The following LDB2 variants were observed in gnomAD, a reference collection of about 807,000 sequenced individuals.
The protein encoded by LDB2 is LIM domain-binding protein 2.
LDB2 carries 12 observed loss-of-function variants against 44.3 expected under a neutral mutation model. That is an observed-to-expected ratio of 0.27 (90% CI 0.17 to 0.44). The LOEUF (loss-of-function observed/expected upper bound fraction) is 0.44, where lower values mean the gene tolerates loss of function less well. Ranked by LOEUF, LDB2 falls within the 20% of genes least tolerant of loss-of-function variation. The pLI, the probability that LDB2 is intolerant of heterozygous loss-of-function variation, is 1.00. For synonymous variants in LDB2, 164 were observed against 174.8 expected (o/e 0.94, Z 0.49); for missense variants, 344 against 473.5 (o/e 0.73, Z 2.54).
chr4:16,807,662 C>T (rs780452762), intron 1 of LDB2, among the ~76,000 whole-genome samples: 1 of 152,204 alleles, frequency 6.6e-6, no homozygotes, highest in African/African-American at 2.4e-5. Flanking sequence ...ATGGCCAAGT[C>T]AGTTGTGGAG....
intron 1 of LDB2, among the ~76,000 whole-genome samples, chr4:16,863,955 T>G (rs994864793): frequency 6.6e-6 from 1 of 152,070 alleles, no homozygotes; most frequent in Non-Finnish European, 1.5e-5. Context: ...CCACCGCGCC[T>G]GGCACATTCT....
intron 1 of LDB2, among the ~76,000 whole-genome samples, chr4:16,801,718 A>T (rs1487362332): frequency 1.3e-5 from 2 of 152,216 alleles, no homozygotes; most frequent in Non-Finnish European, 2.9e-5. Context: ...ATCTACCAAA[A>T]ATTTCAGTGT....
At chr4:16,779,025 G>A (rs1423929583) in intron 1 of LDB2, among the ~76,000 whole-genome samples, 1 of 152,128 alleles carries the variant, frequency 6.6e-6, no homozygotes, top group African/African-American at 2.4e-5. Context: ...CGAGACAAAT[G>A]CATTGTTTTC....
chr4:16,754,915 A>G (rs543098243), intron 2 of LDB2, among the ~76,000 whole-genome samples: 3 of 152,300 alleles, frequency 2.0e-5, no homozygotes, highest in African/African-American at 7.2e-5. Context: ...AAGCCCAAGA[A>G]TGTTTGCATT....
chr4:16,557,391 C>A (rs370790136), intron 5 of LDB2, among the ~76,000 whole-genome samples: 1 of 152,172 alleles, frequency 6.6e-6, no homozygotes. Context: ...CTTAAAAAGG[C>A]GCACCAGGAG....
At position 16,522,927 on chromosome 4, in the gene LDB2, T is replaced by G. The variant is rs532271950; in HGVS notation, c.616-10823A>C. Among the ~76,000 whole-genome samples, 3 of 152,258 alleles carry G rather than the reference T, an allele frequency of 2.0e-5. No individual in the cohort carries two copies. The South Asian group carries it at 6.2e-4, about 32-fold the overall frequency. Reference sequence around the variant, plus strand: ...GAGTGCTGTGTGTCACCTAGAGAGGTACAAGCAAATTTATGGTAAGTTTTA... The same window carrying G: ...GAGTGCTGTGTGTCACCTAGAGAGGGACAAGCAAATTTATGGTAAGTTTTA... On this transcript the variant is annotated intron_variant, in intron 5 of 7. Coordinates refer to ENST00000304523, the MANE Select transcript of LDB2 (RefSeq NM_001290.5).
intron 2 of LDB2, among the ~76,000 whole-genome samples, chr4:16,601,022 C>T (rs556342460): frequency 7.9e-5 from 12 of 151,936 alleles, no homozygotes; most frequent in African/African-American, 2.9e-4. Flanking sequence ...AAGTAATTCA[C>T]ATGAAAGAAA....
intron 1 of LDB2, among the ~76,000 whole-genome samples, chr4:16,870,242 A>G (rs1451588421): frequency 2.0e-5 from 3 of 152,194 alleles, no homozygotes. Context: ...ACATGGACGA[A>G]TTCAGTAGGC....
At chr4:16,629,744 T>C (rs1578322184) in intron 2 of LDB2, among the ~76,000 whole-genome samples, 1 of 151,986 alleles carries the variant, frequency 6.6e-6, no homozygotes, top group Admixed American at 6.6e-5. Context: ...AGAGCTTCAA[T>C]GACCTGGTGG....
intron 3 of LDB2, 75 bp downstream of exon 3, chr4:16,595,628 G>A: frequency 2.1e-6 from 3 of 1,407,792 alleles, no homozygotes; most frequent in Non-Finnish European, 2.9e-6. Context: ...AGGTTCCATA[G>A]GAAAACCATA....
intron 1 of LDB2, among the ~76,000 whole-genome samples, chr4:16,846,688 A>T (rs1787079609): frequency 6.6e-6 from 1 of 152,154 alleles, no homozygotes; most frequent in African/African-American, 2.4e-5. Flanking sequence ...GAGATGCCAC[A>T]TTTGCAGTCT....
intron 1 of LDB2, among the ~76,000 whole-genome samples, chr4:16,827,754 C>T (rs894535689): frequency 2.6e-5 from 4 of 152,136 alleles, no homozygotes; most frequent in African/African-American, 9.7e-5. Context: ...TATGTCTATG[C>T]TTTGACAACT....
chr4:16,894,584 T>G (rs957737713), intron 1 of LDB2, among the ~76,000 whole-genome samples: 2 of 152,142 alleles, frequency 1.3e-5, no homozygotes, highest in African/African-American at 4.8e-5. Flanking sequence ...ACAAAGATTA[T>G]GGATCTAAAT....
intron 2 of LDB2, among the ~76,000 whole-genome samples, chr4:16,667,597 A>G (rs1050226659): frequency 1.3e-5 from 2 of 152,182 alleles, no homozygotes; most frequent in African/African-American, 4.8e-5. Context: ...CAAACTCCAA[A>G]TGCATGCAAC....
chr4:16,880,903 CAAAA>C (rs1004776367), intron 1 of LDB2, among the ~76,000 whole-genome samples: 2 of 57,482 alleles, frequency 3.5e-5, no homozygotes, highest in Middle Eastern at 8.8e-3. Flanking sequence ...GACTCCATCT[CAAAA>C]AAAAAAAAAA....
chr4:16,623,742 G>A (rs929110122), intron 2 of LDB2, among the ~76,000 whole-genome samples: 1 of 150,528 alleles, frequency 6.6e-6, no homozygotes, highest in Non-Finnish European at 1.5e-5. Context: ...CTTGAAAGCT[G>A]CTTAAAGTGC....
At chr4:16,664,015 T>C (rs1364533394) in intron 2 of LDB2, among the ~76,000 whole-genome samples, 1 of 146,524 alleles carries the variant, frequency 6.8e-6, no homozygotes, top group Non-Finnish European at 1.5e-5. Context: ...CAAAGCAATG[T>C]TAAGTTTCAA....
intron 2 of LDB2, among the ~76,000 whole-genome samples, chr4:16,650,111 A>C (rs1443907268): frequency 6.6e-6 from 1 of 152,166 alleles, no homozygotes; most frequent in Non-Finnish European, 1.5e-5. Flanking sequence ...TTAGAAGAAG[A>C]ATCTCTGGAA....
intron 5 of LDB2, among the ~76,000 whole-genome samples, chr4:16,552,501 CAA>C (rs1738030829): frequency 6.6e-6 from 1 of 152,104 alleles, no homozygotes. Flanking sequence ...ACCTGTAAAA[CAA>C]AGGCTACCAT....
Sources: allele counts gnomAD v4.1 joint callset (sites outside exome capture counted in the v4.1 genomes callset), GRCh38; gene constraint gnomAD v4.1.1; transcripts MANE v1.5; gene names NCBI Gene and HGNC (gene_info 2026-07-23, HGNC 2026-07-21).